Variants in ZNF546 observed in about 807,000 individuals in gnomAD.
The protein encoded by ZNF546 is zinc finger protein 546.
ZNF546 carries 60 observed loss-of-function variants against 76.2 expected under a neutral mutation model. The ratio of observed to expected loss-of-function variants is 0.79; its 90% CI spans 0.64 to 0.98. The LOEUF is 0.98. Among genes scored for constraint, ZNF546 ranks in the 50% least tolerant of loss-of-function variants. ZNF546 has a pLI of 0.00. For synonymous variants in ZNF546, 277 were observed against 328.1 expected (o/e 0.84, Z 1.68); for missense variants, 936 against 1,035.6 (o/e 0.90, Z 1.32).
At chr19:40,000,913 AAT>A (rs1971521102) in intron 3 of ZNF546, among the ~76,000 whole-genome samples, 1 of 152,080 alleles carries the variant, frequency 6.6e-6, no homozygotes, top group Admixed American at 6.6e-5. Flanking sequence ...GTAATTAAAT[AAT>A]TATACAACTC....
In ZNF546 at chr19:40,014,310, A is replaced by T; in HGVS notation, c.1040A>T (p.His347Leu). ...AFRLHYQLTE[H>L]QRIHTGERPY... is the part of the protein sequence containing the mutation. ...AGACTTCATTATCAACTAACTGAAC[A>T]TCAAAGAATTCATACTGGTGAGAGG... The change falls in exon 7 of 7, where the codon CAT becomes CTT. Residue 347 changes from histidine (H) to leucine (L), a missense_variant. Physicochemically the swap from His to Leu is moderately conservative, Grantham distance 99 (BLOSUM62 -3). Transcript: ENST00000347077. 1 of 1,614,126 alleles carries T rather than the reference A, an allele frequency of 6.2e-7. No homozygotes were observed. The highest frequency in any genetic ancestry group is 1.1e-5 in the South Asian group (1 of 91,084).
In ZNF546 at chr19:40,006,124, C is replaced by G. The variant is rs774110439; in HGVS notation, c.113C>G (p.Ser38Cys). Reference sequence around the variant, plus strand: ...CGGTTTCTCTGGATTCTGTGCTTCTCCATGGAGGAAACTCAAGGAGAACTG... The same window carrying G: ...CGGTTTCTCTGGATTCTGTGCTTCTGCATGGAGGAAACTCAAGGAGAACTG... Reference protein sequence around the residue: ...MPRFLWILCFSMEETQGELTS... With the variant: ...MPRFLWILCFCMEETQGELTS... The change falls in exon 4 of 7, where the codon TCC (serine) becomes TGC (cysteine). Residue 38 changes from serine to cysteine, a missense_variant. Transcript: ENST00000347077. The G allele has an allele frequency of 6.2e-7, 1 of 1,613,972 alleles. No homozygotes were observed. Among genetic ancestry groups the G allele is most frequent in the Admixed American group, 1.7e-5 (1 of 59,980 alleles).
intron 6 of ZNF546, 60 bp from the exon 7 acceptor site, chr19:40,013,605 A>C: frequency 7.2e-7 from 1 of 1,394,264 alleles, no homozygotes. Context: ...GCCCCAACAC[A>C]GAAAAATAGC....
chr19:40,003,458 TTTA>T (rs1367918304), intron 3 of ZNF546, among the ~76,000 whole-genome samples: 1 of 152,154 alleles, frequency 6.6e-6, no homozygotes, highest in Non-Finnish European at 1.5e-5. Context: ...AAACAAAGTT[TTTA>T]TTGTTAGATT....
At chr19:39,997,999 G>T in intron 2 of ZNF546, 84 bp downstream of exon 2, 1 of 266,550 alleles carries the variant, frequency 3.8e-6, no homozygotes, top group Non-Finnish European at 7.2e-6. Flanking sequence ...CCAGTCATAC[G>T]GCGTGGTACC....
rs926055406 is a variant in ZNF546, at chr19:40,001,742, C to T, written c.84+3332C>T. ...TAAAAATAATTGCATCTTCAAGGCT[C>T]AGCTCTGAAATACTTAAAATATCAT... On this transcript the variant is annotated intron_variant, in intron 3 of 6. Coordinates refer to ENST00000347077, the MANE Select transcript of ZNF546 (RefSeq NM_178544.5). Among the ~76,000 whole-genome samples, 6 of 152,212 alleles carry T rather than the reference C, an allele frequency of 3.9e-5. No individual in the cohort carries two copies. The East Asian group carries it at 1.2e-3, about 29-fold the overall frequency.
chr19:40,014,891 A>G lies in ZNF546; in HGVS notation c.1621A>G (p.Thr541Ala). 1 of 1,613,900 alleles carries G rather than the reference A, an allele frequency of 6.2e-7. No individual in the cohort carries two copies. The highest frequency in any genetic ancestry group is 8.5e-7 in the Non-Finnish European group (1 of 1,179,950). The change falls in exon 7 of 7, where the codon ACC (threonine) becomes GCC (alanine). Residue 541 changes from threonine to alanine, a missense_variant. Physicochemically the swap from Thr to Ala is moderately conservative, Grantham distance 58. Transcript: ENST00000347077. ...AGCCTTTCGTCTTCAAGGAGAACTT[A>G]CCCGACATCACAGAATTCATACATG... ...GKAFRLQGEL[T>A]RHHRIHTCEK...
rs1971845999 is a variant in ZNF546 at position 40,020,837 on chromosome 19, G to T, written c.*5056G>T. On this transcript the variant is annotated 3_prime_UTR_variant, in exon 7 of 7. Coordinates refer to ENST00000347077, the MANE Select transcript of ZNF546 (RefSeq NM_178544.5). ...GCTATGCTGGGAAAGGAAGTGAATT[G>T]TATATTGCTCTGCTGCTCACATATT... is the stretch of plus-strand genomic sequence containing the variant. 6.6e-6 allele frequency: 1 copy of T among 152,132 alleles called. No individual in the cohort carries two copies. The highest frequency in any genetic ancestry group is 1.5e-5 in the Non-Finnish European group (1 of 67,998). 9.4% of individuals were successfully genotyped at this position (152,132 alleles called of 1,614,324 possible).
Position 40,017,583 on chromosome 19 carries a change from C to T in ZNF546, c.*1802C>T, listed in dbSNP as rs1413601501. 3 of 152,194 alleles carry T rather than the reference C, an allele frequency of 2.0e-5. No individual in the cohort carries two copies. The highest frequency in any genetic ancestry group is 4.4e-5 in the Non-Finnish European group (3 of 68,036). The allele number at this position is 152,194 out of a possible 1,614,324, so 9.4% of individuals were successfully genotyped here. A position where few individuals can be genotyped will look rare whatever the true frequency, so the allele number is the denominator to read the frequency against. On this transcript the variant is annotated 3_prime_UTR_variant, in exon 7 of 7. Coordinates refer to ENST00000347077, the MANE Select transcript of ZNF546 (RefSeq NM_178544.5). ...CCAACCTGTCTGTGCCCCAGGGCAG[C>T]TTTGAATGCAGTCCAACAGAAATTT...
intron 5 of ZNF546, 71 bp downstream of exon 5, chr19:40,007,471 G>A: frequency 1.4e-6 from 2 of 1,412,964 alleles, no homozygotes; most frequent in Non-Finnish European, 1.9e-6. Flanking sequence ...TCAAACTTTA[G>A]AACTCTGTTT....
rs1021967786 is a variant in ZNF546 at position 40,020,285 on chromosome 19, C to T, written c.*4504C>T. On this transcript the variant is annotated 3_prime_UTR_variant, in exon 7 of 7. Coordinates refer to ENST00000347077, the MANE Select transcript of ZNF546 (RefSeq NM_178544.5). Reference sequence around the variant, plus strand: ...CCATTATGATTTGCAACTCCAGGTCCATTTTATGCAAATAAGACAGCCATA... The same window carrying T: ...CCATTATGATTTGCAACTCCAGGTCTATTTTATGCAAATAAGACAGCCATA... 2 of 152,122 alleles carry T rather than the reference C, an allele frequency of 1.3e-5. No individual in the cohort carries two copies. The highest frequency in any genetic ancestry group is 4.8e-5 in the African/African-American group (2 of 41,432). The allele number at this position is 152,122 out of a possible 1,614,324, so 9.4% of individuals were successfully genotyped here. A position where few individuals can be genotyped will look rare whatever the true frequency, so the allele number is the denominator to read the frequency against.
chr19:40,012,375 T>C (rs1483632719), intron 6 of ZNF546, among the ~76,000 whole-genome samples: 1 of 152,232 alleles, frequency 6.6e-6, no homozygotes, highest in Non-Finnish European at 1.5e-5. Context: ...GGAAAGAGCA[T>C]ATTTAATTGC....
chr19:40,016,387 G>T lies in ZNF546; in HGVS notation c.*606G>T, dbSNP rs981536250. The T allele has an allele frequency of 1.3e-5, 2 of 153,088 alleles. No individual in the cohort carries two copies. The highest frequency in any genetic ancestry group is 2.9e-5 in the Non-Finnish European group (2 of 68,736). 9.5% of individuals were successfully genotyped at this position (153,088 alleles called of 1,614,324 possible). A position where few individuals can be genotyped will look rare whatever the true frequency, so the allele number is the denominator to read the frequency against. On this transcript the variant is annotated 3_prime_UTR_variant, in exon 7 of 7. Transcript: ENST00000347077. The stretch of plus-strand genomic sequence containing the variant: ...ATACACAAATTAGCTAGGCATTGTG[G>T]GGGGTGCCTGTAATCCCAGCTACTC...
chr19:40,005,943 C>T (rs759558346), intron 3 of ZNF546, among the ~76,000 whole-genome samples, 153 bp from the exon 4 acceptor site: 1 of 152,180 alleles, frequency 6.6e-6, no homozygotes, highest in African/African-American at 2.4e-5. Context: ...TACACCACCC[C>T]AGCCTTGATA....
At position 39,998,385 on chromosome 19, in the gene ZNF546, T is replaced by C. The variant is rs762529063; in HGVS notation, c.59T>C (p.Ile20Thr). The C allele has an allele frequency of 6.8e-6, 11 of 1,614,012 alleles. No individual in the cohort carries two copies. In the South Asian group the frequency reaches 7.7e-5, roughly 11 times the overall value. The change falls in exon 3 of 7, where the codon ATT becomes ACT. Residue 20 changes from isoleucine (I) to threonine (T), a missense_variant. Coordinates refer to ENST00000347077, the MANE Select transcript of ZNF546 (RefSeq NM_178544.5). ...AATGACTTTCTCATTTTTCAAATCA[T>C]TCCTCTGCACTCACTTTCTATAATG... Reference protein sequence around the residue: ...PPNDFLIFQIIPLHSLSIMPR... With the variant: ...PPNDFLIFQITPLHSLSIMPR...
chr19:40,013,704 A>C lies in ZNF546; in HGVS notation c.434A>C (p.Glu145Ala). 13 of 1,581,300 alleles carry C rather than the reference A, an allele frequency of 8.2e-6. No homozygotes were observed. The highest frequency in any genetic ancestry group is 1.0e-5 in the Non-Finnish European group (12 of 1,164,694). The change falls in exon 7 of 7, where the codon GAA becomes GCA. Residue 145 changes from glutamate (E) to alanine (A), a missense_variant. Physicochemically the swap from Glu to Ala is moderately radical, Grantham distance 107. Coordinates refer to ENST00000347077, the MANE Select transcript of ZNF546 (RefSeq NM_178544.5). ...TATATTACCAAGAATTTGCTTTCAGAAAAGAATGTTTGCAAAATCTATTTA... is the reference window on the plus strand; with the variant it reads ...TATATTACCAAGAATTTGCTTTCAGCAAAGAATGTTTGCAAAATCTATTTA... Reference protein sequence around the residue: ...YKYITKNLLSEKNVCKIYLSQ... With the variant: ...YKYITKNLLSAKNVCKIYLSQ...
intron 3 of ZNF546, among the ~76,000 whole-genome samples, chr19:40,005,833 T>C (rs1193815669): frequency 6.6e-6 from 1 of 152,176 alleles, no homozygotes; most frequent in Admixed American, 6.5e-5. Context: ...GATAAATGCA[T>C]TGCATGGTTA....
intron 3 of ZNF546, among the ~76,000 whole-genome samples, chr19:40,004,111 T>C (rs1234393900): frequency 7.2e-6 from 1 of 138,132 alleles, no homozygotes; most frequent in African/African-American, 3.0e-5. Flanking sequence ...ATATATATTA[T>C]ATATATAACT....
chr19:40,001,102 T>G (rs1406129624), intron 3 of ZNF546, among the ~76,000 whole-genome samples: 2 of 152,054 alleles, frequency 1.3e-5, no homozygotes, highest in African/African-American at 4.8e-5. Context: ...TATGAAAATC[T>G]AATGCTGCAG....
Sources: gnomAD v4.1 joint callset for allele counts (sites outside exome capture counted in the v4.1 genomes callset) on GRCh38, gnomAD v4.1.1 for gene constraint, MANE v1.5 for transcripts, NCBI Gene and HGNC (gene_info 2026-07-23, HGNC 2026-07-21) for gene names.